CCDC63: variants seen among roughly 807,000 people sequenced by gnomAD.
The protein encoded by CCDC63 is coiled-coil domain-containing protein 63.
A neutral mutation model predicts 63.6 loss-of-function variants in CCDC63; 54 were observed. The ratio of observed to expected loss-of-function variants is 0.85; its 90% CI spans 0.68 to 1.07. The LOEUF (loss-of-function observed/expected upper bound fraction) is 1.07, where lower values mean the gene tolerates loss of function less well. Among genes scored for constraint, CCDC63 ranks in the 50% least tolerant of loss-of-function variants. The probability of loss-of-function intolerance (pLI) is 0.00; values close to 1 mark genes in which losing one functional copy is unlikely to be tolerated. For synonymous variants in CCDC63, 253 were observed against 266.1 expected (o/e 0.95, Z 0.48); for missense variants, 637 against 689.6 (o/e 0.92, Z 0.86).
In CCDC63 at chr12:110,904,611, G is replaced by T; in HGVS notation, c.1366G>T (p.Asp456Tyr). ...YFAIIEKKTNDLLLLETYRRI... is the reference protein window; with the variant it reads ...YFAIIEKKTNYLLLLETYRRI... ...AGCCATCATTGAAAAGAAGACCAAC[G>T]ACCTGCTGCTGTTGGAGACCTACAG... The change falls in exon 11 of 12, where the codon GAC becomes TAC. Residue 456 changes from aspartate to tyrosine, a missense_variant. Transcript: ENST00000308208. 1 of 1,613,938 alleles carries T rather than the reference G, an allele frequency of 6.2e-7. No individual in the cohort carries two copies. Among genetic ancestry groups the T allele is most frequent in the South Asian group, 1.1e-5 (1 of 91,044 alleles).
At chr12:110,884,889 G>A (rs2071259274) in intron 8 of CCDC63, among the ~76,000 whole-genome samples, 1 of 149,412 alleles carries the variant, frequency 6.7e-6, no homozygotes, top group South Asian at 2.1e-4. Flanking sequence ...AGTAGAGATG[G>A]GGTTTCATCA....
At chr12:110,867,391 GGCGGGGGGCTGACCCCCCCATCTC>G (rs1328081173) in intron 4 of CCDC63, among the ~76,000 whole-genome samples, 1 of 128,832 alleles carries the variant, frequency 7.8e-6, no homozygotes, top group Non-Finnish European at 1.7e-5. Flanking sequence ...CGGCTGGCCG[GGCGGGGGGCTGACCCCCCCATCTC>G]CCTCCCGGAC....
Position 110,886,947 on chromosome 12 carries a change from C to T in CCDC63, c.1074+2697C>T, listed in dbSNP as rs114919161. Among the ~76,000 whole-genome samples, 565 of 152,282 alleles carry T rather than the reference C, an allele frequency of 3.7e-3. 3 individuals are homozygous for T. The highest frequency in any genetic ancestry group is 0.012 in the African/African-American group (518 of 41,552). On this transcript the variant is annotated intron_variant, in intron 8 of 11. Coordinates refer to ENST00000308208, the MANE Select transcript of CCDC63 (RefSeq NM_152591.3). ...TTGAGGCTGCTCTCATCCTTTCCTC[C>T]TGCAGTCGCACAGCATCTCCTGCAC...
intron 4 of CCDC63, among the ~76,000 whole-genome samples, chr12:110,867,113 C>T (rs1383991634): frequency 0.046 from 5,636 of 123,120 alleles, 5 homozygotes; most frequent in African/African-American, 0.073. Context: ...GGCGGCTGGC[C>T]GGGCAGGGGG....
At chr12:110,870,453 A>G (rs1347470377) in intron 4 of CCDC63, among the ~76,000 whole-genome samples, 1 of 152,122 alleles carries the variant, frequency 6.6e-6, no homozygotes, top group East Asian at 1.9e-4. Context: ...CAGGGCACCA[A>G]TTTGCATTTA....
intron 4 of CCDC63, among the ~76,000 whole-genome samples, chr12:110,872,759 G>A (rs61940983): frequency 0.011 from 1,610 of 152,270 alleles, 12 homozygotes; most frequent in Non-Finnish European, 0.014. Flanking sequence ...TCAAGTAGCT[G>A]AAACTATAGG....
chr12:110,892,146 A>G (rs1393076536), intron 8 of CCDC63, among the ~76,000 whole-genome samples: 2 of 152,204 alleles, frequency 1.3e-5, no homozygotes, highest in Non-Finnish European at 2.9e-5. Context: ...GTGACTCTGG[A>G]GAGTCTGAGA....
At chr12:110,848,262 G>T (rs1447646998) in intron 1 of CCDC63, among the ~76,000 whole-genome samples, 1 of 152,222 alleles carries the variant, frequency 6.6e-6, no homozygotes, top group Non-Finnish European at 1.5e-5. Flanking sequence ...AACAGAACTG[G>T]AGGTAGGTTG....
chr12:110,858,110 T>TATAAAATAAAATAAAATAAAATAAA lies in CCDC63; in HGVS notation c.180-449_180-425dup, dbSNP rs67701132. On this transcript the variant is annotated intron_variant, in intron 3 of 11. Transcript: ENST00000308208. The stretch of plus-strand genomic sequence containing the variant: ...AACAGAGTGAGACTCTGTCTCAAAA[T>TATAAAATAAAATAAAATAAAATAAA]ATAAAATAAAATAAAATAAAATAAA... Among the ~76,000 whole-genome samples the TATAAAATAAAATAAAATAAAATAAA allele has an allele frequency of 2.9e-3, 406 of 137,840 alleles. 8 individuals are homozygous for TATAAAATAAAATAAAATAAAATAAA. Among genetic ancestry groups the TATAAAATAAAATAAAATAAAATAAA allele is most frequent in the African/African-American group, 0.011 (380 of 35,662 alleles). The allele number at this position is 137,840 out of a possible 152,430, so 90.4% of individuals were successfully genotyped here.
chr12:110,854,929 G>A (rs953943233), intron 3 of CCDC63, among the ~76,000 whole-genome samples: 17 of 152,264 alleles, frequency 1.1e-4, no homozygotes, highest in African/African-American at 4.1e-4. Context: ...CTTCTGAGTA[G>A]CTGGGATCAC....
rs77905515 is a variant in CCDC63 at position 110,879,051 on chromosome 12, C to T, written c.490-855C>T. On this transcript the variant is annotated intron_variant, in intron 5 of 11. Transcript: ENST00000308208. ...ATTTAAAGGTGAATTACAAGTGTCA[C>T]GACATTTCACCCCTAAATACTTCAG... Among the ~76,000 whole-genome samples, 797 of 152,278 alleles carry T rather than the reference C, an allele frequency of 5.2e-3. 11 individuals carry two copies. Among genetic ancestry groups the T allele is most frequent in the African/African-American group, 0.017 (705 of 41,562 alleles).
chr12:110,904,611 G>A lies in CCDC63; in HGVS notation c.1366G>A (p.Asp456Asn), dbSNP rs138877502. 4 of 1,613,942 alleles carry A rather than the reference G, an allele frequency of 2.5e-6. No homozygotes were observed. Among genetic ancestry groups the A allele is most frequent in the South Asian group, 2.2e-5 (2 of 91,048 alleles). ...YFAIIEKKTN[D>N]LLLLETYRRI... ...AGCCATCATTGAAAAGAAGACCAAC[G>A]ACCTGCTGCTGTTGGAGACCTACAG... Residue 456 changes from aspartate to asparagine, a missense_variant, in exon 11 of 12, where the codon GAC (aspartate) becomes AAC (asparagine). Coordinates refer to ENST00000308208, the MANE Select transcript of CCDC63 (RefSeq NM_152591.3).
intron 4 of CCDC63, among the ~76,000 whole-genome samples, chr12:110,865,384 A>G (rs1346309530): frequency 2.6e-5 from 4 of 151,356 alleles, no homozygotes; most frequent in African/African-American, 9.7e-5. Context: ...GCCTGGTGAC[A>G]GGAAGGCTGT....
chr12:110,881,179 A>C lies in CCDC63; in HGVS notation c.736A>C (p.Asn246His). 6.2e-7 allele frequency: 1 copy of C among 1,613,450 alleles called. No individual in the cohort carries two copies. The highest frequency in any genetic ancestry group is 8.5e-7 in the Non-Finnish European group (1 of 1,179,920). Residue 246 changes from asparagine to histidine, a missense_variant, in exon 7 of 12, where the codon AAC becomes CAC. Physicochemically the swap from Asn to His is moderately conservative, Grantham distance 68. Transcript: ENST00000308208. ...DRQKKDTSQY[N>H]LEIRELERLY... ...CCAGAAGAAGGACACCTCTCAGTACAACCTGGAGATCCGAGAGCTGGAGCG... is the reference window on the plus strand; with the variant it reads ...CCAGAAGAAGGACACCTCTCAGTACCACCTGGAGATCCGAGAGCTGGAGCG...
At chr12:110,875,185 A>G (rs144892632) in intron 5 of CCDC63, among the ~76,000 whole-genome samples, 2 of 152,312 alleles carry the variant, frequency 1.3e-5, no homozygotes, top group African/African-American at 4.8e-5. Context: ...AGTGATTTGC[A>G]ACTGTGCCTC....
intron 4 of CCDC63, among the ~76,000 whole-genome samples, chr12:110,870,268 G>A (rs1306707331): frequency 6.6e-6 from 1 of 152,170 alleles, no homozygotes; most frequent in Non-Finnish European, 1.5e-5. Context: ...TTCTAGTAGA[G>A]ACGGGGTTTC....
chr12:110,846,039 T>C (rs1473102815), upstream of CCDC63: 1 of 150,954 alleles, frequency 6.6e-6, no homozygotes, highest in African/African-American at 2.4e-5. Context: ...TGACCTTAAA[T>C]GATCTACCTG....
At chr12:110,893,178 G>A in intron 9 of CCDC63, 28 bp downstream of exon 9, 1 of 1,585,766 alleles carries the variant, frequency 6.3e-7, no homozygotes, top group Non-Finnish European at 8.7e-7. Flanking sequence ...AGGGAGGGAT[G>A]CGGGAGCTTC....
intron 4 of CCDC63, among the ~76,000 whole-genome samples, chr12:110,866,945 G>A (rs2070959917): frequency 6.9e-6 from 1 of 144,956 alleles, no homozygotes; most frequent in Non-Finnish European, 1.5e-5. Flanking sequence ...GCCGGGCGGG[G>A]GGCTGACCCC....
Sources: allele counts gnomAD v4.1 joint callset (sites outside exome capture counted in the v4.1 genomes callset), GRCh38; gene constraint gnomAD v4.1.1; transcripts MANE v1.5; gene names NCBI Gene and HGNC (gene_info 2026-07-23, HGNC 2026-07-21).